Variants in ZNF682 observed in about 807,000 individuals in gnomAD.
ZNF682 encodes the protein zinc finger protein 682.
A neutral mutation model predicts 36.5 loss-of-function variants in ZNF682; 29 were observed. The observed-to-expected ratio is 0.80, with a 90% CI of 0.59 to 1.08. The LOEUF is 1.08. ZNF682 is among the 50% of genes least tolerant of loss of function. The pLI is 0.00. For missense variants in ZNF682, 561 were observed against 579.7 expected (o/e 0.97, Z 0.33); for synonymous variants, 180 against 197.0 (o/e 0.91, Z 0.72).
downstream of ZNF682, among the ~76,000 whole-genome samples, chr19:19,995,210 T>C (rs1273127657): frequency 6.6e-6 from 1 of 152,106 alleles, no homozygotes; most frequent in African/African-American, 2.4e-5. Context: ...CAAATCAATA[T>C]AATAAGCAGA....
chr19:20,033,265 T>G (rs2088496362), intron 1 of ZNF682, among the ~76,000 whole-genome samples: 1 of 151,334 alleles, frequency 6.6e-6, no homozygotes, highest in Admixed American at 6.6e-5. Context: ...AGAGGGAGAC[T>G]CCGTCTCAAA....
At position 20,035,222 on chromosome 19, in the gene ZNF682, A is replaced by G. The variant is rs555060136; in HGVS notation, c.3+4121T>C. 1.6e-4 allele frequency among the ~76,000 whole-genome samples: 25 copies of G among 152,122 alleles called. 1 individual carries two copies. Among genetic ancestry groups the G allele is most frequent in the Non-Finnish European group, 1.0e-4 (7 of 68,020 alleles). On this transcript the variant is annotated intron_variant, in intron 1 of 3. Transcript: ENST00000397165. ...TTAATATCTATTGTAACAATTTGTT[A>G]CTATATTTTTTCCTTTTTTTGAGAC...
In ZNF682 at chr19:20,006,853, T is replaced by C. The variant is rs1568537721; in HGVS notation, c.649A>G (p.Thr217Ala). 6.2e-7 allele frequency: 1 copy of C among 1,614,058 alleles called. No homozygotes were observed. Residue 217 changes from threonine (T) to alanine (A), a missense_variant, in exon 4 of 4, where the codon ACT becomes GCT. Physicochemically the swap from Thr to Ala is moderately conservative, Grantham distance 58. Transcript: ENST00000397165. ...GKTFKWFSYL[T>A]KHKRIHTGEK... ...CCAGTGTGAATTCTCTTATGTTTAG[T>C]AAGGTATGAGAACCACTTAAAGGTT...
Position 20,005,854 on chromosome 19 carries a change from G to A in ZNF682, c.*151C>T, listed in dbSNP as rs2088209978. 6.4e-6 allele frequency: 5 copies of A among 779,184 alleles called. No individual in the cohort carries two copies. In the East Asian group the frequency reaches 1.3e-4, roughly 21 times the overall value. The allele number at this position is 779,184 out of a possible 1,614,324, so 48.3% of individuals were successfully genotyped here. On this transcript the variant is annotated 3_prime_UTR_variant, in exon 4 of 4. Transcript: ENST00000397165. ...TGAATTTTCTTCTGTGCAATAAGCT[G>A]TCAGCAATGGTTGAAGACTTTCCCC...
chr19:19,997,326 C>G (rs1331106220), intron 3 of ZNF682: 2 of 398,432 alleles, frequency 5.0e-6, no homozygotes, highest in East Asian at 7.1e-5. Context: ...ACAGCAAAGC[C>G]TTTTCATACC....
At chr19:20,018,767 C>T (rs1599609533) in intron 3 of ZNF682, among the ~76,000 whole-genome samples, 1 of 152,192 alleles carries the variant, frequency 6.6e-6, no homozygotes, top group East Asian at 1.9e-4. Context: ...ATATAACAAA[C>T]TTCCTAGATA....
In ZNF682 at chr19:20,006,305, A is replaced by G. The variant is rs753482804; in HGVS notation, c.1197T>C (p.Cys399=). The G allele has an allele frequency of 1.9e-6, 3 of 1,613,472 alleles. No homozygotes were observed. Among genetic ancestry groups the G allele is most frequent in the African/African-American group, 2.7e-5 (2 of 74,930 alleles). The change falls in exon 4 of 4, where the codon TGT becomes TGC. Residue 399 remains cysteine, a synonymous_variant. Transcript: ENST00000397165. Reference sequence around the variant, plus strand: ...AGTTAAAAGCTTTGCCACATTCTTCACATTTGTAGGGTTTCTCTCCAGTGT... The same window carrying G: ...AGTTAAAAGCTTTGCCACATTCTTCGCATTTGTAGGGTTTCTCTCCAGTGT... ...RIHTGEKPYK[C]EECGKAFNWS...
intron 1 of ZNF682, among the ~76,000 whole-genome samples, chr19:20,024,604 G>A (rs574625006): frequency 3.3e-5 from 5 of 152,256 alleles, no homozygotes; most frequent in Admixed American, 6.5e-5. Flanking sequence ...TTGGGAGGCC[G>A]AGGCAGGCAG....
chr19:20,035,259 CTT>C (rs1166509063), intron 1 of ZNF682, among the ~76,000 whole-genome samples: 3 of 151,964 alleles, frequency 2.0e-5, no homozygotes, highest in African/African-American at 7.3e-5. Context: ...GAGTTTTGCT[CTT>C]GTTGCCACGG....
chr19:20,005,810 ATCAGAATTTTT>A lies in ZNF682; in HGVS notation c.*184_*194del, dbSNP rs2122296662. 3.5e-6 allele frequency: 2 copies of A among 574,146 alleles called. No individual in the cohort carries two copies. The highest frequency in any genetic ancestry group is 5.9e-6 in the Non-Finnish European group (2 of 338,840). 35.6% of individuals were successfully genotyped at this position (574,146 alleles called of 1,614,324 possible). Reference sequence around the variant, plus strand: ...TAAATGCTTTGCCACATTCTTTAAAATCAGAATTTTTCTCAGCATGAATTTTCTTCTGTGCA... The same window carrying A: ...TAAATGCTTTGCCACATTCTTTAAAACTCAGCATGAATTTTCTTCTGTGCA... On this transcript the variant is annotated 3_prime_UTR_variant, in exon 4 of 4. Coordinates refer to ENST00000397165, the MANE Select transcript of ZNF682 (RefSeq NM_033196.3).
chr19:20,006,598 T>C lies in ZNF682; in HGVS notation c.904A>G (p.Lys302Glu), dbSNP rs1432993775. Reference sequence around the variant, plus strand: ...TTTCCAGTGTGAATTGTCTTATGTTTGGTGAGATGTGAGTGCCGGTTAAAC... The same window carrying C: ...TTTCCAGTGTGAATTGTCTTATGTTCGGTGAGATGTGAGTGCCGGTTAAAC... ...RAFNRHSHLT[K>E]HKTIHTGKKP... is the part of the protein sequence containing the mutation. The change falls in exon 4 of 4, where the codon AAA becomes GAA. Residue 302 changes from lysine (K) to glutamate (E), a missense_variant. Lys to Glu is a moderately conservative substitution (Grantham distance 56). Transcript: ENST00000397165. The C allele has an allele frequency of 6.2e-7, 1 of 1,614,186 alleles. No individual in the cohort carries two copies. The highest frequency in any genetic ancestry group is 2.2e-5 in the East Asian group (1 of 44,874).
Position 20,015,170 on chromosome 19 carries a change from A to G in ZNF682, c.226+7834T>C, listed in dbSNP as rs78497419. The G allele has an allele frequency of 1.4e-3, 1,340 of 983,928 alleles. 13 individuals carry two copies. In the African/African-American group the frequency reaches 0.021, roughly 15 times the overall value. 60.9% of individuals were successfully genotyped at this position (983,928 alleles called of 1,614,324 possible). ...AATAAAGTTATAAAGCTTTTCAAAAATTACCTTCAAATCACAAGTGTTTCT... is the reference window on the plus strand; with the variant it reads ...AATAAAGTTATAAAGCTTTTCAAAAGTTACCTTCAAATCACAAGTGTTTCT... On this transcript the variant is annotated intron_variant, in intron 3 of 3. Coordinates refer to ENST00000397165, the MANE Select transcript of ZNF682 (RefSeq NM_033196.3).
chr19:20,028,947 C>T (rs1048594314), intron 1 of ZNF682, among the ~76,000 whole-genome samples: 14 of 151,374 alleles, frequency 9.2e-5, no homozygotes, highest in African/African-American at 3.4e-4. Flanking sequence ...ATGAAAAGCC[C>T]AGCATTTAAA....
chr19:20,009,299 A>G (rs190589796), intron 3 of ZNF682, among the ~76,000 whole-genome samples: 93 of 152,312 alleles, frequency 6.1e-4, no homozygotes, highest in Non-Finnish European at 1.1e-3. Flanking sequence ...CTGCTCCTTT[A>G]TATCAACCCA....
At chr19:20,035,744 G>GT (rs869147113) in intron 1 of ZNF682, among the ~76,000 whole-genome samples, 1 of 92,384 alleles carries the variant, frequency 1.1e-5, no homozygotes, top group Non-Finnish European at 2.4e-5. Context: ...CTGTTTGTTT[G>GT]TTTTTTTTTG....
chr19:20,034,566 G>T (rs1299170456), intron 1 of ZNF682, among the ~76,000 whole-genome samples: 2 of 151,312 alleles, frequency 1.3e-5, no homozygotes, highest in Non-Finnish European at 2.9e-5. Context: ...ATCACCTGAG[G>T]TTGGGAGTTC....
chr19:20,016,802 A>G (rs537351107), intron 3 of ZNF682, among the ~76,000 whole-genome samples: 1 of 152,220 alleles, frequency 6.6e-6, no homozygotes, highest in African/African-American at 2.4e-5. Context: ...TAAAGTAAAT[A>G]TATACACAGA....
At chr19:20,002,045 T>G (rs2088170845), downstream of ZNF682, among the ~76,000 whole-genome samples, 1 of 152,140 alleles carries the variant, frequency 6.6e-6, no homozygotes, top group African/African-American at 2.4e-5. Flanking sequence ...AATGTCACCA[T>G]CTGAAGGGCC....
At position 20,005,925 on chromosome 19, in the gene ZNF682, G is replaced by A. The variant is rs141272196; in HGVS notation, c.*80C>T. 587 of 1,319,518 alleles carry A rather than the reference G, an allele frequency of 4.4e-4. 3 individuals carry two copies. In the African/African-American group the frequency reaches 7.6e-3, roughly 17 times the overall value. The allele number at this position is 1,319,518 out of a possible 1,614,324, so 81.7% of individuals were successfully genotyped here. On this transcript the variant is annotated 3_prime_UTR_variant, in exon 4 of 4. Coordinates refer to ENST00000397165, the MANE Select transcript of ZNF682 (RefSeq NM_033196.3). ...GTTTCTCTCCAGTATGAATTATCTT[G>A]TGATTTCAATGCCTTGAGCAAGATT... is the stretch of plus-strand genomic sequence containing the variant.
Sources: gnomAD v4.1 joint callset for allele counts (sites outside exome capture counted in the v4.1 genomes callset) on GRCh38, gnomAD v4.1.1 for gene constraint, MANE v1.5 for transcripts, NCBI Gene and HGNC (gene_info 2026-07-23, HGNC 2026-07-21) for gene names.